The following ATP8A2 variants were observed in gnomAD, a reference collection of about 807,000 sequenced individuals.
The protein encoded by ATP8A2 is ATPase phospholipid transporting 8A2.
A neutral mutation model predicts 165.6 loss-of-function variants in ATP8A2; 100 were observed. The ratio of observed to expected loss-of-function variants is 0.60; its 90% confidence interval spans 0.51 to 0.71. The LOEUF (loss-of-function observed/expected upper bound fraction) is 0.71, where lower values mean the gene tolerates loss of function less well. Ranked by LOEUF, ATP8A2 falls within the 30% of genes least tolerant of loss-of-function variation. ATP8A2 has a pLI of 0.00. For missense variants in ATP8A2, 1,227 were observed against 1,479.5 expected, an observed-to-expected ratio of 0.83 and a Z score of 2.80; for synonymous variants, 543 against 548.8, an observed-to-expected ratio of 0.99 and a Z score of 0.15.
chr13:25,976,095 T>C (rs1025752372), intron 35 of ATP8A2, among the ~76,000 whole-genome samples: 4 of 152,224 alleles, frequency 2.6e-5, no homozygotes, highest in African/African-American at 9.6e-5. Context: ...TTTTTTGTTT[T>C]GTTTTGTTTT....
chr13:25,559,990 A>G (rs1054288893), intron 15 of ATP8A2, among the ~76,000 whole-genome samples: 3 of 151,948 alleles, frequency 2.0e-5, no homozygotes, highest in Non-Finnish European at 2.9e-5. Context: ...ACCATGCCTG[A>G]CTAATTTTGT....
intron 2 of ATP8A2, among the ~76,000 whole-genome samples, chr13:25,470,570 G>A (rs1326063870): frequency 6.6e-6 from 1 of 152,172 alleles, no homozygotes; most frequent in Non-Finnish European, 1.5e-5. Flanking sequence ...AAGGTTCAAT[G>A]TAAAGTTACC....
chr13:25,628,873 C>T (rs2041168372), intron 24 of ATP8A2, among the ~76,000 whole-genome samples: 1 of 152,152 alleles, frequency 6.6e-6, no homozygotes, highest in Non-Finnish European at 1.5e-5. Context: ...GGTTAGGACT[C>T]CAACATACGT....
chr13:25,785,145 T>C (rs1006631445), intron 27 of ATP8A2, among the ~76,000 whole-genome samples: 1 of 150,324 alleles, frequency 6.7e-6, no homozygotes, highest in Non-Finnish European at 1.5e-5. Flanking sequence ...ATGCCTGTAA[T>C]CCCAGCACTT....
intron 2 of ATP8A2, among the ~76,000 whole-genome samples, chr13:25,471,930 T>C (rs1032190392): frequency 6.6e-6 from 1 of 152,210 alleles, no homozygotes; most frequent in Non-Finnish European, 1.5e-5. Flanking sequence ...AATTTCTGAG[T>C]TCATGGCTTA....
At chr13:25,692,444 G>A (rs550931768) in intron 24 of ATP8A2, among the ~76,000 whole-genome samples, 2 of 152,216 alleles carry the variant, frequency 1.3e-5, no homozygotes, top group African/African-American at 2.4e-5. Context: ...GCTCCTACCC[G>A]TGCAGATTTC....
At chr13:25,497,204 A>G (rs2036704789) in intron 2 of ATP8A2, among the ~76,000 whole-genome samples, 1 of 152,226 alleles carries the variant, frequency 6.6e-6, no homozygotes, top group Non-Finnish European at 1.5e-5. Flanking sequence ...TATCAAAAAC[A>G]GAAGGAATAT....
intron 2 of ATP8A2, among the ~76,000 whole-genome samples, chr13:25,508,715 A>G (rs1266466688): frequency 1.3e-5 from 2 of 152,234 alleles, no homozygotes; most frequent in East Asian, 1.9e-4. Context: ...AATCACTTAC[A>G]TATTTGTATT....
intron 33 of ATP8A2, among the ~76,000 whole-genome samples, chr13:25,910,596 T>C (rs148304362): frequency 6.6e-6 from 1 of 152,266 alleles, no homozygotes; most frequent in African/African-American, 2.4e-5. Context: ...AATTTCTGTA[T>C]TGGAAAAACA....
chr13:25,663,390 A>C (rs571261366), intron 24 of ATP8A2, among the ~76,000 whole-genome samples: 3 of 152,284 alleles, frequency 2.0e-5, no homozygotes, highest in African/African-American at 7.2e-5. Context: ...CTCATTTATG[A>C]GTTTGCAGAT....
intron 24 of ATP8A2, among the ~76,000 whole-genome samples, chr13:25,629,210 T>C (rs2041177283): frequency 6.6e-6 from 1 of 152,152 alleles, no homozygotes; most frequent in Admixed American, 6.5e-5. Context: ...CAAGTAAACA[T>C]ATTGGCTGTT....
chr13:25,396,889 A>G (rs551984766), intron 1 of ATP8A2, among the ~76,000 whole-genome samples: 1 of 152,238 alleles, frequency 6.6e-6, no homozygotes, highest in African/African-American at 2.4e-5. Context: ...TCACACAGCA[A>G]GCTTTCAGCA....
chr13:25,707,293 C>A (rs912470345), intron 25 of ATP8A2, among the ~76,000 whole-genome samples: 9 of 152,144 alleles, frequency 5.9e-5, no homozygotes, highest in Non-Finnish European at 1.0e-4. Flanking sequence ...GAGGGCAATT[C>A]TCATCTTAAA....
At chr13:25,687,308 G>T (rs991217943) in intron 24 of ATP8A2, among the ~76,000 whole-genome samples, 2 of 152,206 alleles carry the variant, frequency 1.3e-5, no homozygotes, top group Admixed American at 1.3e-4. Context: ...CCATTCTTCA[G>T]CCAACATTGA....
chr13:25,952,525 C>T (rs574026048), intron 33 of ATP8A2, among the ~76,000 whole-genome samples: 67 of 152,186 alleles, frequency 4.4e-4, no homozygotes, highest in South Asian at 1.9e-3. Flanking sequence ...GGACTACAAG[C>T]GCACTACCAC....
At chr13:25,990,191 T>G (rs1209798566) in intron 35 of ATP8A2, among the ~76,000 whole-genome samples, 1 of 149,362 alleles carries the variant, frequency 6.7e-6, no homozygotes, top group Non-Finnish European at 1.5e-5. Flanking sequence ...ACTTCTTCAG[T>G]CCTTCAACAA....
At chr13:25,611,940 G>A (rs2040699053) in intron 24 of ATP8A2, among the ~76,000 whole-genome samples, 1 of 151,944 alleles carries the variant, frequency 6.6e-6, no homozygotes, top group Admixed American at 6.6e-5. Flanking sequence ...GTTCATAGTA[G>A]CCTTGAATGA....
rs1167321617 is a variant in ATP8A2 at position 25,559,718 on chromosome 13, C to T, written c.1353-3C>T. ...ACCACTCTGTTTTCCGTTTCTCTGG[C>T]AGTCACTTCCCAGAATTGGCAAGAG... On this transcript the variant is annotated splice_polypyrimidine_tract_variant and splice_region_variant and intron_variant, in intron 14 of 36. Coordinates refer to ENST00000381655, the MANE Select transcript of ATP8A2 (RefSeq NM_016529.6). 3 of 1,612,410 alleles carry T rather than the reference C, an allele frequency of 1.9e-6. No homozygotes were observed. The highest frequency in any genetic ancestry group is 3.3e-5 in the Admixed American group (2 of 59,990).
chr13:26,006,644 G>T (rs924099996), intron 35 of ATP8A2, among the ~76,000 whole-genome samples: 2 of 151,772 alleles, frequency 1.3e-5, no homozygotes, highest in South Asian at 4.2e-4. Context: ...TTAACTTTGG[G>T]TTTTTTTAAA....
Sources: gnomAD v4.1 joint callset for allele counts (sites outside exome capture counted in the v4.1 genomes callset) on GRCh38, gnomAD v4.1.1 for gene constraint, MANE v1.5 for transcripts, NCBI Gene and HGNC (gene_info 2026-07-23, HGNC 2026-07-21) for gene names.